TKTL2: variants seen among roughly 807,000 people sequenced by gnomAD.
The protein encoded by TKTL2 is transketolase like 2, also known as transketolase-like protein 2.
For synonymous variants in TKTL2, 259 were observed against 294.1 expected (o/e 0.88, Z 1.22); for missense variants, 825 against 799.4 (o/e 1.03, Z -0.39).
chr4:163,472,160 A>G lies in TKTL2; in HGVS notation c.1575T>C (p.His525=), dbSNP rs1162500800. 6.2e-7 allele frequency: 1 copy of G among 1,614,256 alleles called. No individual in the cohort carries two copies. The highest frequency in any genetic ancestry group is 1.7e-5 in the Admixed American group (1 of 60,032). ...GGACAGAAATACCTTGTTGAGAAAGATGGTCAGCAGCTTCTAAGGCTTCAT... is the reference window on the plus strand; with the variant it reads ...GGACAGAAATACCTTGTTGAGAAAGGTGGTCAGCAGCTTCTAAGGCTTCAT... ...TLHEALEAAD[H]LSQQGISVRV... The change falls in exon 1 of 1, where the codon CAT becomes CAC. Residue 525 remains histidine (H), a synonymous_variant. Coordinates refer to ENST00000280605, the MANE Select transcript of TKTL2 (RefSeq NM_032136.5).
Position 163,473,198 on chromosome 4 carries a change from G to T in TKTL2, c.537C>A (p.Leu179=). The change falls in exon 1 of 1, where the codon CTC becomes CTA. Residue 179 remains leucine, a synonymous_variant. Coordinates refer to ENST00000280605, the MANE Select transcript of TKTL2 (RefSeq NM_032136.5). ...AFASHYNLDN[L]VAVFDVNRLG... is the part of the protein sequence containing the mutation. ...AGCGGTTCACGTCGAAGACCGCCACGAGATTGTCCAAGTTGTAGTGGGAGG... is the reference window on the plus strand; with the variant it reads ...AGCGGTTCACGTCGAAGACCGCCACTAGATTGTCCAAGTTGTAGTGGGAGG... 6.2e-7 allele frequency: 1 copy of T among 1,613,892 alleles called. No individual in the cohort carries two copies. Among genetic ancestry groups the T allele is most frequent in the Non-Finnish European group, 8.5e-7 (1 of 1,179,998 alleles).
chr4:163,471,907 C>G lies in TKTL2; in HGVS notation c.1828G>C (p.Gly610Arg). 2 of 1,584,006 alleles carry G rather than the reference C, an allele frequency of 1.3e-6. No individual in the cohort carries two copies. Among genetic ancestry groups the G allele is most frequent in the African/African-American group, 2.7e-5 (2 of 74,288 alleles). ...GKTSELLDMFGISTRHIIAAV... is the reference protein window; with the variant it reads ...GKTSELLDMFRISTRHIIAAV... ...GCTATAATGTGTCTGGTACTGATTC[C>G]AAACATATCCAGCAATTCACTAGTT... Residue 610 changes from glycine (G) to arginine (R), a missense_variant, in exon 1 of 1, where the codon GGA (glycine) becomes CGA (arginine). Physicochemically the swap from Gly to Arg is moderately radical, Grantham distance 125. Transcript: ENST00000280605.
At position 163,473,440 on chromosome 4, in the gene TKTL2, G is replaced by A. The variant is rs369719950; in HGVS notation, c.295C>T (p.Leu99=). Residue 99 remains leucine (L), a synonymous_variant, in exon 1 of 1, where the codon CTG becomes TTG. Coordinates refer to ENST00000280605, the MANE Select transcript of TKTL2 (RefSeq NM_032136.5). Reference sequence around the variant, plus strand: ...TCGCTGTGAAGTTTCCTCAGGTTCAGCAAGTCAGATTCACTGATGTCACCC... The same window carrying A: ...TCGCTGTGAAGTTTCCTCAGGTTCAACAAGTCAGATTCACTGATGTCACCC... ...EVGDISESDL[L]NLRKLHSDLE... is the part of the protein sequence containing the mutation. 1 of 1,613,880 alleles carries A rather than the reference G, an allele frequency of 6.2e-7. No individual in the cohort carries two copies. Among genetic ancestry groups the A allele is most frequent in the South Asian group, 1.1e-5 (1 of 91,064 alleles).
At position 163,473,025 on chromosome 4, in the gene TKTL2, T is replaced by C; in HGVS notation, c.710A>G (p.Asn237Ser). The C allele has an allele frequency of 6.2e-7, 1 of 1,614,214 alleles. No individual in the cohort carries two copies. Among genetic ancestry groups the C allele is most frequent in the Non-Finnish European group, 8.5e-7 (1 of 1,180,040 alleles). The change falls in exon 1 of 1, where the codon AAC (asparagine) becomes AGC (serine). Residue 237 changes from asparagine (N) to serine (S), a missense_variant. Coordinates refer to ENST00000280605, the MANE Select transcript of TKTL2 (RefSeq NM_032136.5). ...QAFWQASQVK[N>S]KPTAIVAKTF... ...CTTGGCAACTATAGCAGTAGGCTTG[T>C]TCTTCACTTGACTTGCTTGCCAAAA...
Position 163,471,658 on chromosome 4 carries a change from A to G in TKTL2, c.*196T>C, listed in dbSNP as rs1404373272. 2.4e-6 allele frequency: 1 copy of G among 417,596 alleles called. No homozygotes were observed. The highest frequency in any genetic ancestry group is 4.2e-6 in the Non-Finnish European group (1 of 240,788). 25.9% of individuals were successfully genotyped at this position (417,596 alleles called of 1,614,324 possible). A position where few individuals can be genotyped will look rare whatever the true frequency, so the allele number is the denominator to read the frequency against. ...ATAACTCAGAGTAACATTTATACAT[A>G]GATTAACAGAAAGGTAAACTTTAAT... is the stretch of plus-strand genomic sequence containing the variant. On this transcript the variant is annotated 3_prime_UTR_variant, in exon 1 of 1. Transcript: ENST00000280605.
Position 163,472,726 on chromosome 4 carries a change from C to G in TKTL2, c.1009G>C (p.Glu337Gln). 1 of 1,608,914 alleles carries G rather than the reference C, an allele frequency of 6.2e-7. No homozygotes were observed. Among genetic ancestry groups the G allele is most frequent in the Non-Finnish European group, 8.5e-7 (1 of 1,177,098 alleles). The change falls in exon 1 of 1, where the codon GAA (glutamate) becomes CAA (glutamine). Residue 337 changes from glutamate to glutamine, a missense_variant. Transcript: ENST00000280605. ...TCACCACTCAGAACAATAACTCTTT[C>G]ATTTGCACGGCCCAGTTTAGCCAGA... ...LALAKLGRAN[E>Q]RVIVLSGDTM...
Position 163,472,267 on chromosome 4 carries a change from T to A in TKTL2, c.1468A>T (p.Asn490Tyr), listed in dbSNP as rs553921397. The change falls in exon 1 of 1, where the codon AAT becomes TAT. Residue 490 changes from asparagine (N) to tyrosine (Y), a missense_variant. Transcript: ENST00000280605. Reference protein sequence around the residue: ...ETAVIYTPQENFEIGQAKVVR... With the variant: ...ETAVIYTPQEYFEIGQAKVVR... ...ACCTTGGCCTGGCCAATCTCAAAAT[T>A]TTCTTGTGGGGTATAAATAACTGCA... 1.5e-5 allele frequency: 24 copies of A among 1,612,020 alleles called. 1 individual carries two copies. The South Asian group carries it at 2.6e-4, about 18-fold the overall frequency.
In TKTL2 at chr4:163,471,754, T is replaced by C; in HGVS notation, c.*100A>G. On this transcript the variant is annotated 3_prime_UTR_variant, in exon 1 of 1. Transcript: ENST00000280605. Reference sequence around the variant, plus strand: ...AAGAAACAGTACAACTGTATAGGTATAAATAATGGTTTTGTGACAATAAAC... The same window carrying C: ...AAGAAACAGTACAACTGTATAGGTACAAATAATGGTTTTGTGACAATAAAC... 3.1e-6 allele frequency: 3 copies of C among 960,286 alleles called. No individual in the cohort carries two copies. The highest frequency in any genetic ancestry group is 4.5e-6 in the Non-Finnish European group (3 of 663,398). The allele number at this position is 960,286 out of a possible 1,614,324, so 59.5% of individuals were successfully genotyped here.
rs961660795 is a variant in TKTL2, at chr4:163,472,237, G to A, written c.1498C>T (p.Arg500Cys). ...NFEIGQAKVVRHGVNDKVTVI... is the reference protein window; with the variant it reads ...NFEIGQAKVVCHGVNDKVTVI... ...GTGACTTTATCATTGACACCGTGGCGGACCACCTTGGCCTGGCCAATCTCA... is the reference window on the plus strand; with the variant it reads ...GTGACTTTATCATTGACACCGTGGCAGACCACCTTGGCCTGGCCAATCTCA... The change falls in exon 1 of 1, where the codon CGC (arginine) becomes TGC (cysteine). Residue 500 changes from arginine (R) to cysteine (C), a missense_variant. Physicochemically the swap from Arg to Cys is radical, Grantham distance 180. Transcript: ENST00000280605. The A allele has an allele frequency of 1.2e-6, 2 of 1,613,968 alleles. No individual in the cohort carries two copies. Among genetic ancestry groups the A allele is most frequent in the African/African-American group, 1.3e-5 (1 of 75,000 alleles).
rs574792393 is a variant in TKTL2, at chr4:163,471,426, C to A, written c.*428G>T. 2 of 152,944 alleles carry A rather than the reference C, an allele frequency of 1.3e-5. No homozygotes were observed. Among genetic ancestry groups the A allele is most frequent in the South Asian group, 4.2e-4 (2 of 4,818 alleles). The allele number at this position is 152,944 out of a possible 1,614,324, so 9.5% of individuals were successfully genotyped here. A position where few individuals can be genotyped will look rare whatever the true frequency, so the allele number is the denominator to read the frequency against. ...GTATAAATGGCATTATACAAAAGCT[C>A]AAACATCCTTCAAAACTTGGACTAT... On this transcript the variant is annotated 3_prime_UTR_variant, in exon 1 of 1. Coordinates refer to ENST00000280605, the MANE Select transcript of TKTL2 (RefSeq NM_032136.5).
Position 163,473,646 on chromosome 4 carries a change from G to A in TKTL2, c.89C>T (p.Ala30Val), listed in dbSNP as rs141459260. Residue 30 changes from alanine (A) to valine (V), a missense_variant, in exon 1 of 1, where the codon GCC becomes GTC. Ala to Val is a moderately conservative substitution (Grantham distance 64). Transcript: ENST00000280605. ...ANRLRIHSIRATCASGSGQLT... is the reference protein window; with the variant it reads ...ANRLRIHSIRVTCASGSGQLT... The stretch of plus-strand genomic sequence containing the variant: ...CTGGCCAGAACCAGAGGCACACGTG[G>A]CCCTGATGGAATGGATCCGCAGGCG... 2.5e-6 allele frequency: 4 copies of A among 1,614,074 alleles called. No individual in the cohort carries two copies. Among genetic ancestry groups the A allele is most frequent in the African/African-American group, 2.7e-5 (2 of 74,938 alleles).
At position 163,472,606 on chromosome 4, in the gene TKTL2, C is replaced by T; in HGVS notation, c.1129G>A (p.Ala377Thr). 2 of 1,614,200 alleles carry T rather than the reference C, an allele frequency of 1.2e-6. No individual in the cohort carries two copies. The highest frequency in any genetic ancestry group is 2.7e-5 in the African/African-American group (2 of 75,052). Residue 377 changes from alanine to threonine, a missense_variant, in exon 1 of 1, where the codon GCA (alanine) becomes ACA (threonine). By Grantham distance (58) the Ala-to-Thr change is moderately conservative (BLOSUM62 0). Transcript: ENST00000280605. ...CGACCACGTGTAGCACAGCCTAGTG[C>T]CACACTTACCATGTTTTGTTCAGCA... ...IIAEQNMVSV[A>T]LGCATRGRTI...
rs779700341 is a variant in TKTL2 at position 163,472,973 on chromosome 4, A to G, written c.762T>C (p.Asn254=). Reference sequence around the variant, plus strand: ...CATGCCAATTTTCTGCATCCTCAATATTTGGAATACCCCGACCTTTGAAGG... The same window carrying G: ...CATGCCAATTTTCTGCATCCTCAATGTTTGGAATACCCCGACCTTTGAAGG... The part of the protein sequence containing the change: ...AKTFKGRGIP[N]IEDAENWHGK... The change falls in exon 1 of 1, where the codon AAT becomes AAC. Residue 254 remains asparagine, a synonymous_variant. Transcript: ENST00000280605. The G allele has an allele frequency of 6.2e-6, 10 of 1,613,964 alleles. No individual in the cohort carries two copies. Among genetic ancestry groups the G allele is most frequent in the African/African-American group, 2.7e-5 (2 of 74,878 alleles).
Position 163,472,738 on chromosome 4 carries a change from C to G in TKTL2, c.997G>C (p.Gly333Arg). ...ACAATAACTCTTTCATTTGCACGGCCCAGTTTAGCCAGAGCCAAACCATAT... is the reference window on the plus strand; with the variant it reads ...ACAATAACTCTTTCATTTGCACGGCGCAGTTTAGCCAGAGCCAAACCATAT... Reference protein sequence around the residue: ...KTYGLALAKLGRANERVIVLS... With the variant: ...KTYGLALAKLRRANERVIVLS... Residue 333 changes from glycine (G) to arginine (R), a missense_variant, in exon 1 of 1, where the codon GGC (glycine) becomes CGC (arginine). Coordinates refer to ENST00000280605, the MANE Select transcript of TKTL2 (RefSeq NM_032136.5). 6.2e-7 allele frequency: 1 copy of G among 1,601,548 alleles called. No individual in the cohort carries two copies. The highest frequency in any genetic ancestry group is 8.5e-7 in the Non-Finnish European group (1 of 1,173,472).
rs888130233 is a variant in TKTL2, at chr4:163,472,111, T to C, written c.1624A>G (p.Lys542Glu). ...SVRVIDPFTI[K>E]PLDAATIISS... ...ATGATGGTGGCGGCATCCAGGGGTT[T>C]AATGGTAAATGGGTCGATGACACGG... The change falls in exon 1 of 1, where the codon AAA (lysine) becomes GAA (glutamate). Residue 542 changes from lysine (K) to glutamate (E), a missense_variant. Lys to Glu is a moderately conservative substitution (Grantham distance 56, BLOSUM62 1). Transcript: ENST00000280605. 1 of 1,614,198 alleles carries C rather than the reference T, an allele frequency of 6.2e-7. No individual in the cohort carries two copies. The highest frequency in any genetic ancestry group is 8.5e-7 in the Non-Finnish European group (1 of 1,180,044).
rs1164908350 is a variant in TKTL2 at position 163,472,368 on chromosome 4, A to G, written c.1367T>C (p.Ile456Thr). 1.2e-6 allele frequency: 2 copies of G among 1,601,588 alleles called. No homozygotes were observed. Among genetic ancestry groups the G allele is most frequent in the African/African-American group, 1.3e-5 (1 of 74,546 alleles). Residue 456 changes from isoleucine to threonine, a missense_variant, in exon 1 of 1, where the codon ATC (isoleucine) becomes ACC (threonine). Coordinates refer to ENST00000280605, the MANE Select transcript of TKTL2 (RefSeq NM_032136.5). ...TAGATAAATAGCATGCTCTGTCGAG[A>G]TGGCATCACTTGGATAGAAAACAGT... ...NCTVFYPSDA[I>T]STEHAIYLAA...
At position 163,472,618 on chromosome 4, in the gene TKTL2, T is replaced by C. The variant is rs764429866; in HGVS notation, c.1117A>G (p.Met373Val). The change falls in exon 1 of 1, where the codon ATG (methionine) becomes GTG (valine). Residue 373 changes from methionine to valine, a missense_variant. Transcript: ENST00000280605. ...GCACAGCCTAGTGCCACACTTACCA[T>C]GTTTTGTTCAGCAATAATACACTCT... ...FIECIIAEQN[M>V]VSVALGCATR... The C allele has an allele frequency of 6.2e-7, 1 of 1,614,220 alleles. No individual in the cohort carries two copies. The highest frequency in any genetic ancestry group is 8.5e-7 in the Non-Finnish European group (1 of 1,180,036).
In TKTL2 at chr4:163,473,099, C is replaced by A. The variant is rs1345995322; in HGVS notation, c.636G>T (p.Trp212Cys). 6.2e-7 allele frequency: 1 copy of A among 1,613,988 alleles called. No homozygotes were observed. Among genetic ancestry groups the A allele is most frequent in the African/African-American group, 1.3e-5 (1 of 74,900 alleles). ...CATGGCCATCCACTAAGTAAGTATT[C>A]CATCCAAAGGCTTCACAGCAATTCT... ...IYQNCCEAFGWNTYLVDGHDV... is the reference protein window; with the variant it reads ...IYQNCCEAFGCNTYLVDGHDV... Residue 212 changes from tryptophan (W) to cysteine (C), a missense_variant, in exon 1 of 1, where the codon TGG becomes TGT. Coordinates refer to ENST00000280605, the MANE Select transcript of TKTL2 (RefSeq NM_032136.5).
rs1737216165 is a variant in TKTL2 at position 163,473,690 on chromosome 4, C to T, written c.45G>A (p.Val15=). 1 of 1,613,276 alleles carries T rather than the reference C, an allele frequency of 6.2e-7. No homozygotes were observed. Among genetic ancestry groups the T allele is most frequent in the Admixed American group, 1.7e-5 (1 of 59,968 alleles). Residue 15 remains valine (V), a synonymous_variant, in exon 1 of 1, where the codon GTG becomes GTA. Coordinates refer to ENST00000280605, the MANE Select transcript of TKTL2 (RefSeq NM_032136.5). Reference sequence around the variant, plus strand: ...GCAGGCGGTTGGCTGTGTCCCGCAGCACCTGCACGGTCTTCACGTCGGGCT... The same window carrying T: ...GCAGGCGGTTGGCTGTGTCCCGCAGTACCTGCACGGTCTTCACGTCGGGCT... ...DAKPDVKTVQ[V]LRDTANRLRI... is the part of the protein sequence containing the mutation.
Sources: gnomAD v4.1 joint callset for allele counts on GRCh38, gnomAD v4.1.1 for gene constraint, MANE v1.5 for transcripts, NCBI Gene and HGNC (gene_info 2026-07-23, HGNC 2026-07-21) for gene names.